Variants in STXBP5L observed in about 807,000 individuals in gnomAD.
STXBP5L encodes syntaxin-binding protein 5-like.
Under a neutral mutation model 144.5 loss-of-function variants are expected in STXBP5L, and 65 were observed. The ratio of observed to expected loss-of-function variants is 0.45; its 90% CI spans 0.37 to 0.55. The LOEUF is 0.55. Among genes scored for constraint, STXBP5L ranks in the 20% least tolerant of loss-of-function variants. The pLI, the probability that STXBP5L is intolerant of heterozygous loss-of-function variation, is 0.00. For synonymous variants in STXBP5L, 505 were observed against 469.6 expected, an observed-to-expected ratio of 1.08 and a Z score of -0.97; for missense variants, 1,298 against 1,405.5, an observed-to-expected ratio of 0.92 and a Z score of 1.22.
chr3:121,157,827 A>C, intron 9 of STXBP5L, 200 bp downstream of exon 9: 1 of 622,956 alleles, frequency 1.6e-6, no homozygotes, highest in East Asian at 3.9e-5. Context: ...ACCAACCCAC[A>C]TCCCTGTTTT....
intron 5 of STXBP5L, among the ~76,000 whole-genome samples, chr3:121,090,601 T>A (rs1289347005): frequency 1.3e-5 from 2 of 152,112 alleles, no homozygotes; most frequent in Non-Finnish European, 2.9e-5. Context: ...GATTAAAATA[T>A]TTTAAAGTCT....
At chr3:121,334,929 A>T (rs1204991316) in intron 20 of STXBP5L, among the ~76,000 whole-genome samples, 2 of 152,218 alleles carry the variant, frequency 1.3e-5, no homozygotes, top group Admixed American at 1.3e-4. Flanking sequence ...ACTCCTATTT[A>T]ACAGAGTATT....
At chr3:121,133,530 G>A (rs375819227) in intron 7 of STXBP5L, among the ~76,000 whole-genome samples, 49 of 152,180 alleles carry the variant, frequency 3.2e-4, no homozygotes, top group Non-Finnish European at 4.9e-4. Context: ...TATATTCAAC[G>A]AAACTGTCCT....
intron 2 of STXBP5L, among the ~76,000 whole-genome samples, chr3:120,944,911 A>G (rs769329492): frequency 7.2e-5 from 11 of 151,958 alleles, no homozygotes; most frequent in Admixed American, 4.6e-4. Context: ...CTGTGAACAT[A>G]CACACATAAT....
chr3:121,047,965 C>T (rs528604071), intron 5 of STXBP5L, among the ~76,000 whole-genome samples: 5 of 152,060 alleles, frequency 3.3e-5, no homozygotes, highest in Middle Eastern at 3.4e-3. Flanking sequence ...ACTTAAGTGT[C>T]TTTTTGTAGT....
At chr3:121,210,189 G>A (rs2048502175) in intron 10 of STXBP5L, among the ~76,000 whole-genome samples, 1 of 152,144 alleles carries the variant, frequency 6.6e-6, no homozygotes, top group Non-Finnish European at 1.5e-5. Flanking sequence ...GGCCAGTGAT[G>A]ATGAGCATTT....
intron 19 of STXBP5L, among the ~76,000 whole-genome samples, chr3:121,310,951 C>T (rs2043505447): frequency 6.6e-6 from 1 of 151,660 alleles, no homozygotes. Context: ...AGATAAATCA[C>T]ATACTGAAAG....
intron 20 of STXBP5L, among the ~76,000 whole-genome samples, chr3:121,369,834 G>C (rs1001767451): frequency 1.1e-4 from 16 of 152,080 alleles, no homozygotes; most frequent in African/African-American, 3.9e-4. Flanking sequence ...GTCTTCTTGT[G>C]GTCTTCTTTG....
At chr3:121,085,818 A>T (rs551669516) in intron 5 of STXBP5L, among the ~76,000 whole-genome samples, 60 of 152,204 alleles carry the variant, frequency 3.9e-4, no homozygotes, top group Non-Finnish European at 8.4e-4. Flanking sequence ...AATTAGAAAC[A>T]AATTCTTTAA....
At chr3:120,978,075 A>C (rs1266480333) in intron 3 of STXBP5L, among the ~76,000 whole-genome samples, 1 of 152,132 alleles carries the variant, frequency 6.6e-6, no homozygotes, top group South Asian at 2.1e-4. Context: ...GTATTTCCTG[A>C]ATGTGAATGT....
intron 22 of STXBP5L, among the ~76,000 whole-genome samples, chr3:121,387,859 T>C (rs559259379): frequency 6.6e-6 from 1 of 152,174 alleles, no homozygotes; most frequent in African/African-American, 2.4e-5. Flanking sequence ...TTGTTCTTTT[T>C]GCTTAGGATT....
At chr3:121,213,687 G>A (rs1240293358) in intron 10 of STXBP5L, among the ~76,000 whole-genome samples, 1 of 147,944 alleles carries the variant, frequency 6.8e-6, no homozygotes, top group African/African-American at 2.5e-5. Context: ...TTGTTGTTGT[G>A]TCTCTGCCAG....
At chr3:121,210,528 T>C (rs527339385) in intron 10 of STXBP5L, among the ~76,000 whole-genome samples, 2 of 152,208 alleles carry the variant, frequency 1.3e-5, no homozygotes, top group Non-Finnish European at 2.9e-5. Flanking sequence ...TGCATGGTAT[T>C]GCCTAGGTTT....
intron 5 of STXBP5L, among the ~76,000 whole-genome samples, chr3:121,057,826 C>A (rs532740689): frequency 8.6e-5 from 13 of 151,766 alleles, no homozygotes; most frequent in Admixed American, 2.6e-4. Flanking sequence ...TTTTTAAATT[C>A]TTTTTATATC....
At chr3:120,957,618 G>T (rs533546494) in intron 3 of STXBP5L, among the ~76,000 whole-genome samples, 5 of 151,600 alleles carry the variant, frequency 3.3e-5, no homozygotes, top group Non-Finnish European at 7.4e-5. Flanking sequence ...AGTAGAAGTA[G>T]TATTAGTTCT....
At chr3:121,369,981 G>A (rs551805124) in intron 20 of STXBP5L, among the ~76,000 whole-genome samples, 33 of 152,270 alleles carry the variant, frequency 2.2e-4, no homozygotes, top group Middle Eastern at 3.4e-3. Context: ...CAGTGTTGGA[G>A]GAGGGGCCTG....
At chr3:121,234,922 C>A (rs1034023863) in intron 12 of STXBP5L, among the ~76,000 whole-genome samples, 1 of 151,798 alleles carries the variant, frequency 6.6e-6, no homozygotes, top group Non-Finnish European at 1.5e-5. Context: ...GTTACTCGTA[C>A]TTTGTCTAAG....
intron 4 of STXBP5L, 78 bp from the exon 5 acceptor site, chr3:121,045,357 G>A: frequency 2.3e-6 from 3 of 1,307,934 alleles, no homozygotes; most frequent in Non-Finnish European, 3.2e-6. Context: ...TAAACATTGA[G>A]TAAATTAGCT....
chr3:120,918,668 A>G (rs189364117), intron 2 of STXBP5L, among the ~76,000 whole-genome samples: 2 of 152,280 alleles, frequency 1.3e-5, no homozygotes, highest in Non-Finnish European at 2.9e-5. Flanking sequence ...ATATAATCTA[A>G]CATGTAGTTA....
Sources: gnomAD v4.1 joint callset for allele counts (sites outside exome capture counted in the v4.1 genomes callset) on GRCh38, gnomAD v4.1.1 for gene constraint, MANE v1.5 for transcripts, NCBI Gene and HGNC (gene_info 2026-07-23, HGNC 2026-07-21) for gene names.